Variants in TBC1D1 observed in about 807,000 individuals in gnomAD.
TBC1D1 encodes TBC1 domain family member 1.
In TBC1D1, 89 loss-of-function variants were observed where a neutral mutation model predicts 125.6. That is an observed-to-expected ratio of 0.71 (90% CI 0.60 to 0.85). The LOEUF (loss-of-function observed/expected upper bound fraction) is 0.85, where lower values mean the gene tolerates loss of function less well. Among genes scored for constraint, TBC1D1 ranks in the 40% least tolerant of loss-of-function variants. TBC1D1 has a pLI of 0.00. For synonymous variants in TBC1D1, 565 were observed against 564.1 expected (o/e 1.00, Z -0.02); for missense variants, 1,377 against 1,469.2 (o/e 0.94, Z 1.03).
chr4:37,923,307 G>A (rs1721409791), intron 2 of TBC1D1, among the ~76,000 whole-genome samples: 1 of 152,154 alleles, frequency 6.6e-6, no homozygotes, highest in South Asian at 2.1e-4. Flanking sequence ...TGGCTGCATA[G>A]TACTCCATGG....
chr4:38,035,539 T>C (rs1200995660), intron 7 of TBC1D1, 49 bp from the exon 8 acceptor site: 1 of 1,480,858 alleles, frequency 6.8e-7, no homozygotes, highest in African/African-American at 1.4e-5. Context: ...GGCTTAGCAA[T>C]ATTGTTGACG....
At chr4:38,007,235 T>A (rs74965949) in intron 2 of TBC1D1, 3,152 of 152,474 alleles carry the variant, frequency 0.021, 44 homozygotes, top group Middle Eastern at 0.044. Context: ...CTTTTTATTT[T>A]TTTATTTATT....
At chr4:38,135,904 A>G (rs114112160) in intron 19 of TBC1D1, among the ~76,000 whole-genome samples, 7,617 of 142,986 alleles carry the variant, frequency 0.053, 348 homozygotes, top group East Asian at 0.21. Context: ...GTGTGTGTGT[A>G]TATATACGTG....
At chr4:38,081,907 C>T (rs1027612604) in intron 12 of TBC1D1, among the ~76,000 whole-genome samples, 9 of 152,148 alleles carry the variant, frequency 5.9e-5, no homozygotes, top group African/African-American at 1.9e-4. Flanking sequence ...GATGAGCCAG[C>T]CAAGTTCTAG....
At position 37,927,573 on chromosome 4, in the gene TBC1D1, A is replaced by G. The variant is rs1722385377; in HGVS notation, c.417+25061A>G. Among the ~76,000 whole-genome samples, 3 of 152,232 alleles carry G rather than the reference A, an allele frequency of 2.0e-5. No homozygotes were observed. The South Asian group carries it at 6.2e-4, about 31-fold the overall frequency. ...GTGATGTTTTTATAAAAGCCAAAAC[A>G]GCAATTACAGTGTCTTAGAAGTGGT... is the stretch of plus-strand genomic sequence containing the variant. On this transcript the variant is annotated intron_variant, in intron 2 of 19. Coordinates refer to ENST00000261439, the MANE Select transcript of TBC1D1 (RefSeq NM_015173.4).
intron 11 of TBC1D1, among the ~76,000 whole-genome samples, chr4:38,053,947 T>C (rs909986192): frequency 2.6e-5 from 4 of 152,226 alleles, no homozygotes; most frequent in Admixed American, 2.6e-4. Context: ...GTGGAACATG[T>C]TTCTTAATCT....
At chr4:37,921,799 C>A (rs1195977434) in intron 2 of TBC1D1, among the ~76,000 whole-genome samples, 2 of 151,976 alleles carry the variant, frequency 1.3e-5, no homozygotes, top group Non-Finnish European at 2.9e-5. Flanking sequence ...CTCACTACAG[C>A]CTTGAACTTC....
At chr4:37,923,766 G>A (rs1211906945) in intron 2 of TBC1D1, among the ~76,000 whole-genome samples, 4 of 142,468 alleles carry the variant, frequency 2.8e-5, no homozygotes, top group African/African-American at 7.9e-5. Context: ...TGCAACCTCC[G>A]CCTCCCAGGT....
intron 3 of TBC1D1, among the ~76,000 whole-genome samples, chr4:38,017,992 C>T (rs1022611830): frequency 6.6e-6 from 1 of 152,168 alleles, no homozygotes; most frequent in Non-Finnish European, 1.5e-5. Context: ...TTTAAAAAGA[C>T]TTGTCAGTAA....
At chr4:38,015,318 T>G (rs925391130) in intron 3 of TBC1D1, among the ~76,000 whole-genome samples, 1 of 152,252 alleles carries the variant, frequency 6.6e-6, no homozygotes, top group African/African-American at 2.4e-5. Flanking sequence ...CAGAATCTTT[T>G]AGTTGGAAAA....
chr4:38,077,766 G>A (rs536921443), intron 12 of TBC1D1, among the ~76,000 whole-genome samples: 32 of 151,946 alleles, frequency 2.1e-4, no homozygotes, highest in African/African-American at 6.8e-4. Context: ...ATGTTCAAGC[G>A]ATTTTAATTA....
Position 38,118,007 on chromosome 4 carries a change from C to T in TBC1D1, c.2803-26C>T, listed in dbSNP as rs766251248. ...ATTGCTGTGGCAGATCCCTAATTCT[C>T]AGCCCTTGTGGCTGTCTTCCTGCAG... On this transcript the variant is annotated intron_variant, in intron 16 of 19. Coordinates refer to ENST00000261439, the MANE Select transcript of TBC1D1 (RefSeq NM_015173.4). 1.9e-5 allele frequency: 31 copies of T among 1,612,122 alleles called. 1 individual carries two copies. The East Asian group carries it at 3.1e-4, about 16-fold the overall frequency.
At chr4:38,003,550 GT>G (rs1231836099) in intron 2 of TBC1D1, among the ~76,000 whole-genome samples, 2 of 152,128 alleles carry the variant, frequency 1.3e-5, no homozygotes, top group Admixed American at 1.3e-4. Flanking sequence ...ATGGAAGCTT[GT>G]TGCCTCTAGG....
chr4:37,988,063 C>T (rs1467931968), intron 2 of TBC1D1, among the ~76,000 whole-genome samples: 1 of 152,156 alleles, frequency 6.6e-6, no homozygotes. Context: ...ATGATCAATG[C>T]CAGGTGCCCA....
At chr4:37,973,567 A>G (rs193026651) in intron 2 of TBC1D1, among the ~76,000 whole-genome samples, 9 of 152,174 alleles carry the variant, frequency 5.9e-5, no homozygotes, top group Middle Eastern at 3.4e-3. Flanking sequence ...AGTTCTGGGC[A>G]TTTTTGGAGA....
intron 2 of TBC1D1, chr4:37,952,596 G>T: frequency 6.4e-6 from 1 of 157,266 alleles, no homozygotes; most frequent in South Asian, 1.9e-4. Context: ...CGTGGACACA[G>T]GGAGGAGAAC....
At chr4:38,016,662 G>A (rs902962521) in intron 3 of TBC1D1, among the ~76,000 whole-genome samples, 2 of 152,114 alleles carry the variant, frequency 1.3e-5, no homozygotes, top group Admixed American at 1.3e-4. Flanking sequence ...CACTGCTGTC[G>A]TTGGTAGTGC....
chr4:38,122,641 C>T (rs917906324), intron 17 of TBC1D1, among the ~76,000 whole-genome samples: 1 of 152,160 alleles, frequency 6.6e-6, no homozygotes, highest in Admixed American at 6.5e-5. Context: ...GTCTCTGCAG[C>T]GTGTTCTTTG....
At chr4:38,090,305 T>C (rs1377234791) in intron 13 of TBC1D1, among the ~76,000 whole-genome samples, 188 bp downstream of exon 15, 1 of 152,226 alleles carries the variant, frequency 6.6e-6, no homozygotes, top group Non-Finnish European at 1.5e-5. Context: ...CTAATGATAG[T>C]TTCACCAACA....
Sources: gnomAD v4.1 joint callset for allele counts (sites outside exome capture counted in the v4.1 genomes callset) on GRCh38, gnomAD v4.1.1 for gene constraint, MANE v1.5 for transcripts, NCBI Gene and HGNC (gene_info 2026-07-23, HGNC 2026-07-21) for gene names.